RNGTT: variants seen among roughly 807,000 people sequenced by gnomAD.
RNGTT encodes RNA guanylyltransferase and 5'-phosphatase.
RNGTT carries 33 observed loss-of-function variants against 79.3 expected under a neutral mutation model. The ratio of observed to expected loss-of-function variants is 0.42; its 90% CI spans 0.32 to 0.56. The LOEUF (loss-of-function observed/expected upper bound fraction) is 0.56, where lower values mean the gene tolerates loss of function less well. Ranked by LOEUF, RNGTT falls within the 20% of genes least tolerant of loss-of-function variation. RNGTT has a pLI of 0.17. For missense variants in RNGTT, 497 were observed against 739.1 expected, an observed-to-expected ratio of 0.67 and a Z score of 3.80; for synonymous variants, 222 against 235.9, an observed-to-expected ratio of 0.94 and a Z score of 0.54.
intron 13 of RNGTT, among the ~76,000 whole-genome samples, chr6:88,712,600 G>A (rs533601530): frequency 3.9e-5 from 6 of 152,180 alleles, no homozygotes; most frequent in Admixed American, 3.9e-4. Context: ...GCACAAGCTG[G>A]TGTGCCTGAT....
chr6:88,962,342 A>G (rs2127968876), intron 1 of RNGTT, among the ~76,000 whole-genome samples: 1 of 152,324 alleles, frequency 6.6e-6, no homozygotes, highest in African/African-American at 2.4e-5. Context: ...TAAAAAAAAC[A>G]AAAACCCGGC....
intron 6 of RNGTT, among the ~76,000 whole-genome samples, chr6:88,894,256 T>C (rs1277969409): frequency 6.6e-6 from 1 of 152,306 alleles, no homozygotes; most frequent in Middle Eastern, 3.4e-3. Flanking sequence ...CTGGGAAATA[T>C]GGGAAGCATG....
At chr6:88,693,163 T>C (rs1462711578) in intron 13 of RNGTT, among the ~76,000 whole-genome samples, 2 of 151,480 alleles carry the variant, frequency 1.3e-5, no homozygotes, top group Admixed American at 6.6e-5. Flanking sequence ...GACTAGAAAA[T>C]AGAAGAATAA....
At chr6:88,950,254 C>T (rs1785198228) in intron 1 of RNGTT, among the ~76,000 whole-genome samples, 1 of 152,188 alleles carries the variant, frequency 6.6e-6, no homozygotes, top group Non-Finnish European at 1.5e-5. Flanking sequence ...CACCCAAGAA[C>T]TCTGATGGAA....
intron 13 of RNGTT, among the ~76,000 whole-genome samples, chr6:88,756,778 C>T (rs1187102950): frequency 6.6e-6 from 1 of 152,002 alleles, no homozygotes; most frequent in African/African-American, 2.4e-5. Flanking sequence ...CAGGAAAACT[C>T]AAAAAACATG....
chr6:88,961,830 C>T (rs1785636669), intron 1 of RNGTT, among the ~76,000 whole-genome samples: 1 of 152,182 alleles, frequency 6.6e-6, no homozygotes, highest in Non-Finnish European at 1.5e-5. Flanking sequence ...AGTATATGTC[C>T]ACACAAAGAA....
chr6:88,654,899 G>A (rs1773921198), intron 14 of RNGTT, among the ~76,000 whole-genome samples: 1 of 152,186 alleles, frequency 6.6e-6, no homozygotes. Flanking sequence ...CACATATTTT[G>A]AAACTTCAGC....
intron 13 of RNGTT, among the ~76,000 whole-genome samples, chr6:88,745,379 T>C (rs1777627772): frequency 6.6e-6 from 1 of 152,202 alleles, no homozygotes; most frequent in South Asian, 2.1e-4. Context: ...AGTTCGAGGA[T>C]TCCCTAGAAG....
chr6:88,652,362 A>C (rs1196296750), intron 14 of RNGTT, among the ~76,000 whole-genome samples: 1 of 152,190 alleles, frequency 6.6e-6, no homozygotes, highest in African/African-American at 2.4e-5. Context: ...TAGGCAATTA[A>C]TTCTGTAGAT....
In RNGTT at chr6:88,872,525, G is replaced by T. The variant is rs538956582; in HGVS notation, c.896+17970C>A. 3.9e-5 allele frequency among the ~76,000 whole-genome samples: 6 copies of T among 152,212 alleles called. No individual in the cohort carries two copies. The East Asian group carries it at 1.2e-3, about 29-fold the overall frequency. On this transcript the variant is annotated intron_variant, in intron 8 of 15. Transcript: ENST00000369485. ...ACTGTACTTTCCAAAATAACTTAGA[G>T]TATCATTGGATTGCTTGTAACAAGG...
intron 1 of RNGTT, among the ~76,000 whole-genome samples, chr6:88,953,353 A>G (rs1012236339): frequency 2.0e-5 from 3 of 152,168 alleles, no homozygotes; most frequent in Admixed American, 2.0e-4. Flanking sequence ...ATAATAGACT[A>G]GAACAAGTAG....
At chr6:88,729,388 G>GAAAAAA (rs59571346) in intron 13 of RNGTT, among the ~76,000 whole-genome samples, 2 of 79,726 alleles carry the variant, frequency 2.5e-5, no homozygotes, top group Non-Finnish European at 3.1e-5. Flanking sequence ...ACCAGAAAAA[G>GAAAAAA]AAAAAAAAAA....
intron 12 of RNGTT, among the ~76,000 whole-genome samples, chr6:88,796,995 T>C (rs1204308668): frequency 1.3e-5 from 2 of 152,204 alleles, no homozygotes; most frequent in Non-Finnish European, 2.9e-5. Context: ...CTCTAGTATA[T>C]ATAAGAAGAT....
intron 12 of RNGTT, among the ~76,000 whole-genome samples, chr6:88,793,631 G>A (rs984961504): frequency 1.3e-5 from 2 of 152,140 alleles, no homozygotes; most frequent in South Asian, 2.1e-4. Flanking sequence ...TTGGGAGGCC[G>A]AGGTGGGCAA....
At chr6:88,814,382 T>C (rs769502743) in intron 11 of RNGTT, among the ~76,000 whole-genome samples, 10 of 152,220 alleles carry the variant, frequency 6.6e-5, no homozygotes, top group Non-Finnish European at 1.3e-4. Flanking sequence ...TTGTGTGTCA[T>C]GGTCATATCT....
chr6:88,757,062 A>G (rs545573222), intron 13 of RNGTT, among the ~76,000 whole-genome samples: 1 of 152,316 alleles, frequency 6.6e-6, no homozygotes, highest in East Asian at 1.9e-4. Flanking sequence ...TAATTTCACA[A>G]AAGGACTAGT....
intron 11 of RNGTT, among the ~76,000 whole-genome samples, chr6:88,820,941 A>C (rs1400200252): frequency 6.6e-6 from 1 of 152,124 alleles, no homozygotes; most frequent in African/African-American, 2.4e-5. Flanking sequence ...TATGTTCTAA[A>C]TATTGTCAAA....
In RNGTT at chr6:88,773,813, T is replaced by A. The variant is rs1165318059; in HGVS notation, c.1339-3939A>T. Among the ~76,000 whole-genome samples, 6 of 152,052 alleles carry A rather than the reference T, an allele frequency of 3.9e-5. No individual in the cohort carries two copies. In the East Asian group the frequency reaches 1.2e-3, roughly 29 times the overall value. On this transcript the variant is annotated intron_variant, in intron 12 of 15. Coordinates refer to ENST00000369485, the MANE Select transcript of RNGTT (RefSeq NM_003800.5). Reference sequence around the variant, plus strand: ...CCTACCTCATACCATATACAAAGATTAACAAAAAATGAATAAACAACCTGT... The same window carrying A: ...CCTACCTCATACCATATACAAAGATAAACAAAAAATGAATAAACAACCTGT...
intron 13 of RNGTT, among the ~76,000 whole-genome samples, chr6:88,717,830 C>T (rs1321545364): frequency 1.3e-5 from 2 of 152,080 alleles, no homozygotes; most frequent in Non-Finnish European, 2.9e-5. Flanking sequence ...ACCCTGCCAG[C>T]AAAGGCCAAG....
Sources: allele counts gnomAD v4.1 joint callset (sites outside exome capture counted in the v4.1 genomes callset), GRCh38; gene constraint gnomAD v4.1.1; transcripts MANE v1.5; gene names NCBI Gene and HGNC (gene_info 2026-07-23, HGNC 2026-07-21).